The following SOAT1 variants were observed in gnomAD, a reference collection of about 807,000 sequenced individuals.
SOAT1 encodes acyl-coenzyme A:cholesterol acyltransferase 1.
A neutral mutation model predicts 69.5 loss-of-function variants in SOAT1; 55 were observed. That is an observed-to-expected ratio of 0.79 (90% CI 0.64 to 0.99). SOAT1 has a LOEUF of 0.99. Among genes scored for constraint, SOAT1 ranks in the 50% least tolerant of loss-of-function variants. The pLI is 0.00. For synonymous variants in SOAT1, 231 were observed against 224.7 expected (o/e 1.03, Z -0.25); for missense variants, 580 against 669.3 (o/e 0.87, Z 1.47).
intron 7 of SOAT1, among the ~76,000 whole-genome samples, chr1:179,341,833 A>G (rs1666350616): frequency 6.6e-6 from 1 of 152,146 alleles, no homozygotes; most frequent in Non-Finnish European, 1.5e-5. Flanking sequence ...GCGCCCGGCC[A>G]CATTGAATTA....
At chr1:179,338,273 A>T (rs928424736) in intron 5 of SOAT1, among the ~76,000 whole-genome samples, 1 of 152,120 alleles carries the variant, frequency 6.6e-6, no homozygotes, top group African/African-American at 2.4e-5. Flanking sequence ...CTGTAATCCC[A>T]GCTACTCAAG....
At chr1:179,348,572 TC>T (rs1666610043) in intron 12 of SOAT1, among the ~76,000 whole-genome samples, 1 of 152,172 alleles carries the variant, frequency 6.6e-6, no homozygotes, top group African/African-American at 2.4e-5. Flanking sequence ...TTCTATGTGT[TC>T]CGTATGAACC....
At chr1:179,318,496 T>C (rs1236852779) in intron 2 of SOAT1, among the ~76,000 whole-genome samples, 1 of 152,206 alleles carries the variant, frequency 6.6e-6, no homozygotes, top group Non-Finnish European at 1.5e-5. Context: ...ATTACATTAC[T>C]GTAACTTAAT....
At chr1:179,345,187 A>C in intron 11 of SOAT1, 111 bp downstream of exon 11, 2 of 970,262 alleles carry the variant, frequency 2.1e-6, no homozygotes, top group Non-Finnish European at 1.6e-6. Flanking sequence ...ACTTCTATAC[A>C]TCTATGCCCA....
rs1477145793 is a variant in SOAT1 at position 179,344,347 on chromosome 1, T to C, written c.988-600T>C. ...CCATTTATGAAGTAAGTTCTTTCAT[T>C]AAGGGGTTTTTTTTTTTTTTTTTTT... On this transcript the variant is annotated intron_variant, in intron 10 of 15. Coordinates refer to ENST00000367619, the MANE Select transcript of SOAT1 (RefSeq NM_003101.6). Among the ~76,000 whole-genome samples, 14 of 30,468 alleles carry C rather than the reference T, an allele frequency of 4.6e-4. 1 individual carries two copies. Among genetic ancestry groups the C allele is most frequent in the Non-Finnish European group, 8.9e-4 (13 of 14,662 alleles). The allele number at this position is 30,468 out of a possible 152,430, so 20.0% of individuals were successfully genotyped here.
Position 179,349,355 on chromosome 1 carries a change from T to C in SOAT1, c.1314+413T>C, listed in dbSNP as rs576788750. ...TTTTTTTTTTTTTTTTTGAGAGAGT[T>C]TCGCTCTTGTTGCCCAGGCTGGAGT... On this transcript the variant is annotated intron_variant, in intron 13 of 15. Transcript: ENST00000367619. Among the ~76,000 whole-genome samples, 13 of 136,392 alleles carry C rather than the reference T, an allele frequency of 9.5e-5. No homozygotes were observed. The East Asian group carries it at 2.1e-3, about 22-fold the overall frequency. 89.5% of individuals were successfully genotyped at this position (136,392 alleles called of 152,430 possible).
intron 1 of SOAT1, among the ~76,000 whole-genome samples, chr1:179,301,497 T>TG (rs1316598851): frequency 6.6e-6 from 1 of 152,124 alleles, no homozygotes; most frequent in Non-Finnish European, 1.5e-5. Flanking sequence ...TCGTTAGCTG[T>TG]GTGGTCTTGG....
intron 2 of SOAT1, among the ~76,000 whole-genome samples, chr1:179,310,286 G>A (rs1206509030): frequency 8.9e-6 from 1 of 112,456 alleles, no homozygotes; most frequent in Non-Finnish European, 1.9e-5. Context: ...TTTTACTTTT[G>A]TGGTGTTTTA....
At chr1:179,318,459 G>A (rs577482653) in intron 2 of SOAT1, among the ~76,000 whole-genome samples, 27 of 152,150 alleles carry the variant, frequency 1.8e-4, no homozygotes, top group Non-Finnish European at 8.8e-5. Context: ...TCAGAATACC[G>A]CCGTTAGTCA....
At chr1:179,302,499 G>A (rs1459123354) in intron 1 of SOAT1, among the ~76,000 whole-genome samples, 178 bp from the exon 2 acceptor site, 3 of 152,184 alleles carry the variant, frequency 2.0e-5, no homozygotes, top group Non-Finnish European at 4.4e-5. Flanking sequence ...CGCCACGTAA[G>A]ACATGCCTTG....
At chr1:179,319,787 T>C (rs144895279) in intron 2 of SOAT1, among the ~76,000 whole-genome samples, 1 of 152,210 alleles carries the variant, frequency 6.6e-6, no homozygotes, top group African/African-American at 2.4e-5. Flanking sequence ...AGCTAACTTT[T>C]GTATTTTCAG....
intron 2 of SOAT1, among the ~76,000 whole-genome samples, chr1:179,313,632 T>C (rs1177496273): frequency 6.6e-6 from 1 of 152,092 alleles, no homozygotes; most frequent in Non-Finnish European, 1.5e-5. Flanking sequence ...TTGCCCAGGC[T>C]GGAGTGCAAT....
chr1:179,295,169 T>C (rs1664591318), intron 1 of SOAT1, among the ~76,000 whole-genome samples: 1 of 152,186 alleles, frequency 6.6e-6, no homozygotes, highest in Non-Finnish European at 1.5e-5. Context: ...TCTGGTTCAT[T>C]TGGCCCACTT....
intron 2 of SOAT1, among the ~76,000 whole-genome samples, chr1:179,306,629 A>G (rs1042665458): frequency 2.6e-5 from 4 of 152,066 alleles, no homozygotes; most frequent in South Asian, 2.1e-4. Flanking sequence ...TCAGGAGATC[A>G]AGACCATCCT....
chr1:179,344,189 C>T (rs948541887), intron 10 of SOAT1, among the ~76,000 whole-genome samples: 1 of 151,992 alleles, frequency 6.6e-6, no homozygotes, highest in African/African-American at 2.4e-5. Flanking sequence ...TAATTTCCCC[C>T]TTCCTTCCTG....
chr1:179,337,443 C>T (rs1381660809), intron 4 of SOAT1, among the ~76,000 whole-genome samples: 1 of 151,910 alleles, frequency 6.6e-6, no homozygotes, highest in Admixed American at 6.6e-5. Context: ...TGCTTAGAGG[C>T]CTGTTTATGA....
chr1:179,335,586 A>G lies in SOAT1; in HGVS notation c.258A>G (p.Ser86=), dbSNP rs1210583092. The part of the protein sequence containing the change: ...FVTNLIEKSA[S]LDNGGCALTT... ...CCAATCTCATTGAAAAGTCAGCATC[A>G]TTAGATAATGGTGGGTGCGCTCTCA... Residue 86 remains serine (S), a synonymous_variant, in exon 4 of 16, where the codon TCA becomes TCG. Transcript: ENST00000367619. 3 of 1,614,038 alleles carry G rather than the reference A, an allele frequency of 1.9e-6. No homozygotes were observed. The highest frequency in any genetic ancestry group is 1.7e-6 in the Non-Finnish European group (2 of 1,179,902).
Position 179,341,279 on chromosome 1 carries a change from C to G in SOAT1, c.749C>G (p.Pro250Arg). ...TYVVLAYTLP[P>R]ASRFIIIFEQ... Reference sequence around the variant, plus strand: ...GTTGTGTTAGCATATACACTGCCACCAGCTTCCCGGTTCATCATTATATTC... The same window carrying G: ...GTTGTGTTAGCATATACACTGCCACGAGCTTCCCGGTTCATCATTATATTC... The change falls in exon 7 of 16, where the codon CCA becomes CGA. Residue 250 changes from proline (P) to arginine (R), a missense_variant. Coordinates refer to ENST00000367619, the MANE Select transcript of SOAT1 (RefSeq NM_003101.6). 6.2e-7 allele frequency: 1 copy of G among 1,614,078 alleles called. No homozygotes were observed. Among genetic ancestry groups the G allele is most frequent in the East Asian group, 2.2e-5 (1 of 44,882 alleles).
At chr1:179,318,090 G>A (rs1665458348) in intron 2 of SOAT1, among the ~76,000 whole-genome samples, 1 of 152,028 alleles carries the variant, frequency 6.6e-6, no homozygotes, top group Non-Finnish European at 1.5e-5. Context: ...AGCTAGCGGG[G>A]CGGCTGATGC....
Sources: gnomAD v4.1 joint callset for allele counts (sites outside exome capture counted in the v4.1 genomes callset) on GRCh38, gnomAD v4.1.1 for gene constraint, MANE v1.5 for transcripts, NCBI Gene and HGNC (gene_info 2026-07-23, HGNC 2026-07-21) for gene names.